TLCD3A: variants seen among roughly 807,000 people sequenced by gnomAD.
The protein encoded by TLCD3A is TLC domain-containing protein 3A.
A neutral mutation model predicts 29.9 loss-of-function variants in TLCD3A; 17 were observed. The observed-to-expected ratio is 0.57, with a 90% CI of 0.39 to 0.85. The LOEUF is 0.85. TLCD3A is among the 40% of genes least tolerant of loss of function. The probability of loss-of-function intolerance (pLI) is 0.00; values close to 1 mark genes in which losing one functional copy is unlikely to be tolerated. For synonymous variants in TLCD3A, 143 were observed against 147.7 expected (o/e 0.97, Z 0.23); for missense variants, 332 against 350.8 (o/e 0.95, Z 0.43).
At chr17:739,539 T>TG (rs1204807510) in intron 3 of TLCD3A, among the ~76,000 whole-genome samples, 1 of 152,214 alleles carries the variant, frequency 6.6e-6, no homozygotes, top group East Asian at 1.9e-4. Flanking sequence ...GGTCTCCTTA[T>TG]GAGGCCCAGG....
chr17:737,734 T>C (rs1974177213), intron 2 of TLCD3A, 112 bp from the exon 3 acceptor site: 1 of 1,031,414 alleles, frequency 9.7e-7, no homozygotes, highest in African/African-American at 1.6e-5. Flanking sequence ...TCAACATCTT[T>C]ATTGTAAAGT....
chr17:737,302 G>C (rs976466743), intron 2 of TLCD3A, among the ~76,000 whole-genome samples: 1 of 152,142 alleles, frequency 6.6e-6, no homozygotes, highest in Admixed American at 6.5e-5. Context: ...GTGAGCCACC[G>C]AACCCGGCCA....
At position 733,157 on chromosome 17, in the gene TLCD3A, C is replaced by T. The variant is rs746613696; in HGVS notation, c.182C>T (p.Ser61Phe). 8 of 1,574,682 alleles carry T rather than the reference C, an allele frequency of 5.1e-6. No individual in the cohort carries two copies. In the East Asian group the frequency reaches 1.7e-4, roughly 34 times the overall value. The change falls in exon 2 of 5, where the codon TCC becomes TTC. Residue 61 changes from serine (S) to phenylalanine (F), a missense_variant. Ser to Phe is a radical substitution (Grantham distance 155). Coordinates refer to ENST00000308278, the MANE Select transcript of TLCD3A (RefSeq NM_024792.3). ...GGCTCGGGGATCGTCATCATTCGCT[C>T]CTGCGACGACGTGATCACCGGCAGG... is the stretch of plus-strand genomic sequence containing the variant. ...ATGSGIVIIR[S>F]CDDVITGRHW...
chr17:736,285 T>C (rs930089165), intron 2 of TLCD3A, among the ~76,000 whole-genome samples: 9 of 152,226 alleles, frequency 5.9e-5, no homozygotes, highest in African/African-American at 2.2e-4. Flanking sequence ...GTGATTCTGA[T>C]GTTCAGGTAG....
rs1162707065 is a variant in TLCD3A at position 732,946 on chromosome 17, G to A, written c.123-152G>A. The A allele has an allele frequency of 2.9e-6, 4 of 1,394,790 alleles. No homozygotes were observed. In the African/African-American group the frequency reaches 4.5e-5, roughly 16 times the overall value. The allele number at this position is 1,394,790 out of a possible 1,614,324, so 86.4% of individuals were successfully genotyped here. ...CGCGTCCTCCCCTGGCGGGAGCGGGGCCGGGGCGGGCGGGAATGGCCGATG... is the reference window on the plus strand; with the variant it reads ...CGCGTCCTCCCCTGGCGGGAGCGGGACCGGGGCGGGCGGGAATGGCCGATG... On this transcript the variant is annotated intron_variant, in intron 1 of 4. Transcript: ENST00000308278.
At position 737,875 on chromosome 17, in the gene TLCD3A, T is replaced by G. The variant is rs764415204; in HGVS notation, c.236T>G (p.Phe79Cys). 6.2e-7 allele frequency: 1 copy of G among 1,614,156 alleles called. No individual in the cohort carries two copies. Among genetic ancestry groups the G allele is most frequent in the South Asian group, 1.1e-5 (1 of 91,074 alleles). The change falls in exon 3 of 5, where the codon TTT becomes TGT. Residue 79 changes from phenylalanine to cysteine, a missense_variant. Phe to Cys is a radical substitution (Grantham distance 205, BLOSUM62 -2). Coordinates refer to ENST00000308278, the MANE Select transcript of TLCD3A (RefSeq NM_024792.3). Reference sequence around the variant, plus strand: ...TGGCTTGCCCGGGAATATGTGTGGTTTCTGATTCCATACATGATCTATGAC... The same window carrying G: ...TGGCTTGCCCGGGAATATGTGTGGTGTCTGATTCCATACATGATCTATGAC... The part of the protein sequence containing the change: ...RHWLAREYVW[F>C]LIPYMIYDSY...
rs371294933 is a variant in TLCD3A, at chr17:738,096, CTTTT to C, written c.408+63_408+66del. ...CCAGCAGCTGGGTTGAGCTGGGTGT[CTTTT>C]TTTTTTTTTTTTTCTGAGACAGTCT... On this transcript the variant is annotated intron_variant, in intron 3 of 4. Coordinates refer to ENST00000308278, the MANE Select transcript of TLCD3A (RefSeq NM_024792.3). 6.7e-4 allele frequency: 336 copies of C among 503,318 alleles called. 7 individuals are homozygous for C. The highest frequency in any genetic ancestry group is 9.2e-4 in the Non-Finnish European group (299 of 323,756). The allele number at this position is 503,318 out of a possible 1,614,324, so 31.2% of individuals were successfully genotyped here.
At chr17:732,935 G>T in intron 1 of TLCD3A, 163 bp from the exon 2 acceptor site, 1 of 1,381,754 alleles carries the variant, frequency 7.2e-7, no homozygotes, top group African/African-American at 1.5e-5. Context: ...TCCTCCCCTG[G>T]CGGGAGCGGG....
chr17:742,504 A>T lies in TLCD3A; in HGVS notation c.*934A>T, dbSNP rs1283753716. 2.0e-5 allele frequency: 3 copies of T among 152,278 alleles called. No individual in the cohort carries two copies. The highest frequency in any genetic ancestry group is 4.4e-5 in the Non-Finnish European group (3 of 68,064). 9.4% of individuals were successfully genotyped at this position (152,278 alleles called of 1,614,324 possible). A position where few individuals can be genotyped will look rare whatever the true frequency, so the allele number is the denominator to read the frequency against. On this transcript the variant is annotated 3_prime_UTR_variant, in exon 5 of 5. Coordinates refer to ENST00000308278, the MANE Select transcript of TLCD3A (RefSeq NM_024792.3). ...TGTCCTCCAAACCATGAAATGTGTC[A>T]TCTAGACTGCAGAGTACTTGAGTGC...
In TLCD3A at chr17:733,167, C is replaced by T. The variant is rs1371763920; in HGVS notation, c.192C>T (p.Asp64=). 3 of 1,566,232 alleles carry T rather than the reference C, an allele frequency of 1.9e-6. No individual in the cohort carries two copies. The highest frequency in any genetic ancestry group is 2.6e-6 in the Non-Finnish European group (3 of 1,158,096). ...TCGTCATCATTCGCTCCTGCGACGA[C>T]GTGATCACCGGCAGGTAAGAGCCCG... ...SGIVIIRSCD[D]VITGRHWLAR... The change falls in exon 2 of 5, where the codon GAC becomes GAT. Residue 64 remains aspartate (D), a synonymous_variant. Transcript: ENST00000308278.
intron 4 of TLCD3A, 102 bp from the exon 5 acceptor site, chr17:741,199 C>G: frequency 8.2e-7 from 1 of 1,226,490 alleles, no homozygotes; most frequent in East Asian, 2.3e-5. Flanking sequence ...TTGATGAGCA[C>G]CTGCACCTGT....
chr17:742,869 A>T lies in TLCD3A; in HGVS notation c.*1299A>T, dbSNP rs1285327041. On this transcript the variant is annotated 3_prime_UTR_variant, in exon 5 of 5. Transcript: ENST00000308278. Reference sequence around the variant, plus strand: ...GTTGAGTCTTTAATGGGTGCCATTTAAAAAACAAAATGCTATTTTTTAATT... The same window carrying T: ...GTTGAGTCTTTAATGGGTGCCATTTTAAAAACAAAATGCTATTTTTTAATT... The T allele has an allele frequency of 1.3e-5, 2 of 152,548 alleles. No homozygotes were observed. Among genetic ancestry groups the T allele is most frequent in the Admixed American group, 1.3e-4 (2 of 15,278 alleles). 9.4% of individuals were successfully genotyped at this position (152,548 alleles called of 1,614,324 possible).
Position 741,847 on chromosome 17 carries a change from G to C in TLCD3A, c.*277G>C. On this transcript the variant is annotated 3_prime_UTR_variant, in exon 5 of 5. Coordinates refer to ENST00000308278, the MANE Select transcript of TLCD3A (RefSeq NM_024792.3). ...GATCCTTCTTAAGGTCTTATCTCAA[G>C]AGCTCTGGGAGGTGGAAGCATGGGG... The C allele has an allele frequency of 4.3e-6, 2 of 463,420 alleles. No homozygotes were observed. The highest frequency in any genetic ancestry group is 7.9e-6 in the Non-Finnish European group (2 of 253,552). 28.7% of individuals were successfully genotyped at this position (463,420 alleles called of 1,614,324 possible). A position where few individuals can be genotyped will look rare whatever the true frequency, so the allele number is the denominator to read the frequency against.
Position 741,632 on chromosome 17 carries a change from A to G in TLCD3A, c.*62A>G. 1.9e-6 allele frequency: 3 copies of G among 1,577,392 alleles called. No homozygotes were observed. Among genetic ancestry groups the G allele is most frequent in the South Asian group, 2.3e-5 (2 of 88,146 alleles). Reference sequence around the variant, plus strand: ...GCCTCCTCCACTCAGCATTCCATGGACCAAATTGTGCCCTGGGTAGCCTCA... The same window carrying G: ...GCCTCCTCCACTCAGCATTCCATGGGCCAAATTGTGCCCTGGGTAGCCTCA... On this transcript the variant is annotated 3_prime_UTR_variant, in exon 5 of 5. Transcript: ENST00000308278.
At position 737,868 on chromosome 17, in the gene TLCD3A, G is replaced by A. The variant is rs760979623; in HGVS notation, c.229G>A (p.Val77Met). The A allele has an allele frequency of 3.1e-6, 5 of 1,614,142 alleles. No homozygotes were observed. In the African/African-American group the frequency reaches 4.0e-5, roughly 13 times the overall value. ...TGRHWLAREY[V>M]WFLIPYMIYD... The stretch of plus-strand genomic sequence containing the variant: ...CAGGCACTGGCTTGCCCGGGAATAT[G>A]TGTGGTTTCTGATTCCATACATGAT... Residue 77 changes from valine (V) to methionine (M), a missense_variant, in exon 3 of 5, where the codon GTG becomes ATG. By Grantham distance (21) the Val-to-Met change is conservative. Transcript: ENST00000308278.
intron 3 of TLCD3A, among the ~76,000 whole-genome samples, chr17:738,978 C>A (rs9891890): frequency 1.1e-4 from 16 of 152,130 alleles, no homozygotes; most frequent in Non-Finnish European, 1.6e-4. Context: ...AAATATAATA[C>A]AAAGCAACAT....
Position 741,819 on chromosome 17 carries a change from A to G in TLCD3A, c.*249A>G, listed in dbSNP as rs1236760943. On this transcript the variant is annotated 3_prime_UTR_variant, in exon 5 of 5. Transcript: ENST00000308278. ...AGCAAAGTGGTTTTAATGCAAGCCCAAGGATCCTTCTTAAGGTCTTATCTC... is the reference window on the plus strand; with the variant it reads ...AGCAAAGTGGTTTTAATGCAAGCCCGAGGATCCTTCTTAAGGTCTTATCTC... The G allele has an allele frequency of 1.9e-6, 1 of 539,122 alleles. No individual in the cohort carries two copies. The highest frequency in any genetic ancestry group is 3.3e-6 in the Non-Finnish European group (1 of 300,420). The allele number at this position is 539,122 out of a possible 1,614,324, so 33.4% of individuals were successfully genotyped here. A position where few individuals can be genotyped will look rare whatever the true frequency, so the allele number is the denominator to read the frequency against.
At chr17:740,438 T>C (rs533796107) in intron 3 of TLCD3A, 67 bp from the exon 4 acceptor site, 5 of 1,213,650 alleles carry the variant, frequency 4.1e-6, no homozygotes, top group African/African-American at 3.0e-5. Flanking sequence ...GTAGCCCTCG[T>C]TGGAATTTTC....
rs1974263966 is a variant in TLCD3A, at chr17:741,968, G to C, written c.*398G>C. On this transcript the variant is annotated 3_prime_UTR_variant, in exon 5 of 5. Coordinates refer to ENST00000308278, the MANE Select transcript of TLCD3A (RefSeq NM_024792.3). ...CCAAACCACTCAGGACAGTACCCGT[G>C]GCACTGGGCCCGCAGAAGCAAGGGA... 4.5e-6 allele frequency: 1 copy of C among 224,310 alleles called. No individual in the cohort carries two copies. The highest frequency in any genetic ancestry group is 8.9e-6 in the Non-Finnish European group (1 of 112,564). The allele number at this position is 224,310 out of a possible 1,614,324, so 13.9% of individuals were successfully genotyped here.
Sources: gnomAD v4.1 joint callset for allele counts (sites outside exome capture counted in the v4.1 genomes callset) on GRCh38, gnomAD v4.1.1 for gene constraint, MANE v1.5 for transcripts, NCBI Gene and HGNC (gene_info 2026-07-23, HGNC 2026-07-21) for gene names.